The following GPHN variants were observed in gnomAD, a reference collection of about 807,000 sequenced individuals.
GPHN encodes the protein gephyrin.
GPHN carries 17 observed loss-of-function variants against 95.5 expected under a neutral mutation model. The observed-to-expected ratio is 0.18, with a 90% CI of 0.12 to 0.27. The LOEUF (loss-of-function observed/expected upper bound fraction) is 0.27. Among genes scored for constraint, GPHN ranks in the 10% least tolerant of loss-of-function variants. The probability of loss-of-function intolerance (pLI) is 1.00; values close to 1 mark genes in which losing one functional copy is unlikely to be tolerated. For synonymous variants in GPHN, 320 were observed against 322.5 expected (o/e 0.99, Z 0.08); for missense variants, 660 against 978.1 (o/e 0.67, Z 4.34).
At chr14:67,299,873 C>T in the GPHN span, among the ~76,000 whole-genome samples, 2 of 152,134 alleles carry the variant, frequency 1.3e-5, no homozygotes, top group Non-Finnish European at 2.9e-5. Flanking sequence ...ATTTTTAATC[C>T]AGAATTATCT....
chr14:67,247,883 G>A, the GPHN span, among the ~76,000 whole-genome samples: 1 of 152,038 alleles, frequency 6.6e-6, no homozygotes, highest in South Asian at 2.1e-4. Context: ...CTGGCTTCTT[G>A]CTCACTTTCT....
intron 9 of GPHN, among the ~76,000 whole-genome samples, chr14:66,985,932 G>A (rs2071001052): frequency 6.6e-6 from 1 of 151,882 alleles, no homozygotes; most frequent in Non-Finnish European, 1.5e-5. Context: ...ACCAGCTGAA[G>A]GCAAGCTGCC....
chr14:67,370,909 G>A, the GPHN span, among the ~76,000 whole-genome samples: 309 of 152,142 alleles, frequency 2.0e-3, no homozygotes, highest in African/African-American at 7.2e-3. Flanking sequence ...CCTCTAGTCA[G>A]TTCCAGCTAC....
intron 4 of GPHN, among the ~76,000 whole-genome samples, chr14:66,848,245 G>A (rs2062420448): frequency 1.3e-5 from 2 of 151,864 alleles, no homozygotes; most frequent in South Asian, 2.1e-4. Flanking sequence ...AATTTTCTTT[G>A]GTTTATTCAT....
At chr14:66,966,969 G>A (rs1420141355) in intron 9 of GPHN, among the ~76,000 whole-genome samples, 1 of 151,794 alleles carries the variant, frequency 6.6e-6, no homozygotes, top group Non-Finnish European at 1.5e-5. Context: ...AAATAATAAT[G>A]TTAATATTCG....
At chr14:67,532,086 T>C in the GPHN span, among the ~76,000 whole-genome samples, 1 of 152,168 alleles carries the variant, frequency 6.6e-6, no homozygotes, top group East Asian at 1.9e-4. Flanking sequence ...TAAAGCTGTT[T>C]GCAAGTTCAG....
At chr14:67,478,719 C>T in the GPHN span, among the ~76,000 whole-genome samples, 3 of 152,130 alleles carry the variant, frequency 2.0e-5, no homozygotes, top group Non-Finnish European at 4.4e-5. Flanking sequence ...CACCCAGGGC[C>T]GGTGAACCCT....
intron 3 of GPHN, among the ~76,000 whole-genome samples, chr14:66,819,571 A>G (rs2061109007): frequency 1.3e-5 from 2 of 152,012 alleles, no homozygotes; most frequent in South Asian, 4.2e-4. Context: ...CCTATAGTAT[A>G]GTTTGAAGTC....
intron 18 of GPHN, among the ~76,000 whole-genome samples, chr14:67,157,370 G>GAATT (rs2081657312): frequency 6.6e-6 from 1 of 152,030 alleles, no homozygotes; most frequent in South Asian, 2.1e-4. Flanking sequence ...AAAAATACGT[G>GAATT]AATTAATTAA....
the GPHN span, among the ~76,000 whole-genome samples, chr14:67,363,489 T>C: frequency 1.3e-5 from 2 of 152,204 alleles, no homozygotes; most frequent in African/African-American, 2.4e-5. Flanking sequence ...AATTATAATA[T>C]ATTTATGAAT....
At chr14:67,081,545 G>T (rs1448416303) in intron 11 of GPHN, among the ~76,000 whole-genome samples, 1 of 152,096 alleles carries the variant, frequency 6.6e-6, no homozygotes, top group Non-Finnish European at 1.5e-5. Context: ...CCACTCTGTG[G>T]GTTGTCTGTT....
At chr14:67,126,364 C>T (rs2079314347) in intron 17 of GPHN, among the ~76,000 whole-genome samples, 3 of 152,126 alleles carry the variant, frequency 2.0e-5, no homozygotes, top group Admixed American at 2.0e-4. Context: ...ATATTGTATA[C>T]CTGTGTACTA....
At chr14:66,749,092 G>A (rs141451869) in intron 2 of GPHN, among the ~76,000 whole-genome samples, 37 of 151,990 alleles carry the variant, frequency 2.4e-4, no homozygotes, top group Admixed American at 5.3e-4. Flanking sequence ...ATGTCATATA[G>A]TTGGATTCTT....
At chr14:67,305,276 A>G in the GPHN span, among the ~76,000 whole-genome samples, 1 of 152,126 alleles carries the variant, frequency 6.6e-6, no homozygotes, top group Non-Finnish European at 1.5e-5. Flanking sequence ...TAAATGTCAG[A>G]AGTTAAGACA....
chr14:67,434,983 T>G, the GPHN span, among the ~76,000 whole-genome samples: 1 of 149,260 alleles, frequency 6.7e-6, no homozygotes, highest in South Asian at 2.2e-4. Flanking sequence ...TTTTTTTTTT[T>G]TGAGATGGAG....
At chr14:67,274,480 T>G in the GPHN span, among the ~76,000 whole-genome samples, 1 of 152,180 alleles carries the variant, frequency 6.6e-6, no homozygotes, top group Admixed American at 6.5e-5. Flanking sequence ...CATTGGTCTA[T>G]ATCTCTGTTT....
intron 17 of GPHN, among the ~76,000 whole-genome samples, chr14:67,132,581 A>G (rs1013286412): frequency 6.6e-6 from 1 of 152,114 alleles, no homozygotes; most frequent in Non-Finnish European, 1.5e-5. Context: ...CTACCTTAAC[A>G]AACGTGTTTA....
the GPHN span, chr14:67,677,363 ATTTTTTTTTTT>A: frequency 9.4e-5 from 3 of 31,968 alleles, no homozygotes; most frequent in African/African-American, 2.7e-4. Context: ...TGTTTTTAGG[ATTTTTTTTTTT>A]TTTTTTTTTT....
chr14:66,914,769 A>G (rs1194716619), intron 5 of GPHN, among the ~76,000 whole-genome samples: 1 of 152,066 alleles, frequency 6.6e-6, no homozygotes, highest in Non-Finnish European at 1.5e-5. Context: ...GTGATATTAT[A>G]ATCAATTAGC....
Sources: gnomAD v4.1 joint callset for allele counts (sites outside exome capture counted in the v4.1 genomes callset) on GRCh38, gnomAD v4.1.1 for gene constraint, MANE v1.5 for transcripts, NCBI Gene and HGNC (gene_info 2026-07-23, HGNC 2026-07-21) for gene names.